ITGA9: variants seen among roughly 807,000 people sequenced by gnomAD.
ITGA9 encodes integrin alpha-9.
ITGA9 carries 56 observed loss-of-function variants against 127.8 expected under a neutral mutation model. The observed-to-expected ratio is 0.44, with a 90% CI of 0.35 to 0.55. The LOEUF (loss-of-function observed/expected upper bound fraction) is 0.55, where lower values mean the gene tolerates loss of function less well. ITGA9 is among the 20% of genes least tolerant of loss of function. The pLI, the probability that ITGA9 is intolerant of heterozygous loss-of-function variation, is 0.00. For synonymous variants in ITGA9, 508 were observed against 514.5 expected (o/e 0.99, Z 0.17); for missense variants, 1,196 against 1,347.1 (o/e 0.89, Z 1.76).
intron 1 of ITGA9, among the ~76,000 whole-genome samples, chr3:37,465,761 C>T (rs1273942419): frequency 1.3e-5 from 2 of 152,110 alleles, no homozygotes; most frequent in Admixed American, 6.5e-5. Context: ...TTTGACATGA[C>T]GGAGCTTTCA....
chr3:37,784,683 A>G (rs2685111), intron 25 of ITGA9, among the ~76,000 whole-genome samples: 18,549 of 152,226 alleles, frequency 0.12, 1,283 homozygotes, highest in Middle Eastern at 0.23. Context: ...GTCAATATCA[A>G]TATCCAAATA....
At chr3:37,672,902 G>T (rs1700650563) in intron 17 of ITGA9, among the ~76,000 whole-genome samples, 2 of 148,252 alleles carry the variant, frequency 1.3e-5, no homozygotes, top group African/African-American at 4.9e-5. Flanking sequence ...ATTTCTTGGT[G>T]ATTTTTTTTT....
At chr3:37,713,578 T>A (rs1376660336) in intron 18 of ITGA9, among the ~76,000 whole-genome samples, 1 of 152,060 alleles carries the variant, frequency 6.6e-6, no homozygotes, top group Non-Finnish European at 1.5e-5. Context: ...ACTGAGCTGG[T>A]TGGAGCTGGG....
At position 37,554,602 on chromosome 3, in the gene ITGA9, A is replaced by G. The variant is rs73824810; in HGVS notation, c.1689+12017A>G. Reference sequence around the variant, plus strand: ...CAGCAGGAACGGGGTTAGGAGACTGAGCGTTACCCAGGGAAGAGGGTGGCT... The same window carrying G: ...CAGCAGGAACGGGGTTAGGAGACTGGGCGTTACCCAGGGAAGAGGGTGGCT... On this transcript the variant is annotated intron_variant, in intron 15 of 27. Transcript: ENST00000264741. Among the ~76,000 whole-genome samples, 371 of 152,150 alleles carry G rather than the reference A, an allele frequency of 2.4e-3. 4 individuals are homozygous for G. Among genetic ancestry groups the G allele is most frequent in the African/African-American group, 8.3e-3 (346 of 41,502 alleles).
chr3:37,474,586 C>T (rs917092618), intron 3 of ITGA9, among the ~76,000 whole-genome samples: 3 of 152,194 alleles, frequency 2.0e-5, no homozygotes, highest in Admixed American at 2.0e-4. Context: ...GCCAGTACTC[C>T]GGAAGAACCC....
chr3:37,531,778 G>T (rs1022063305), intron 13 of ITGA9, among the ~76,000 whole-genome samples: 2 of 152,226 alleles, frequency 1.3e-5, no homozygotes, highest in Admixed American at 1.3e-4. Context: ...TTATGGGAAC[G>T]AGAGGATGAA....
chr3:37,514,432 A>G (rs966472704), intron 9 of ITGA9, among the ~76,000 whole-genome samples: 2 of 152,226 alleles, frequency 1.3e-5, no homozygotes, highest in African/African-American at 4.8e-5. Flanking sequence ...AAGAAGGAGT[A>G]GGAGTTAGCA....
At chr3:37,608,527 A>C (rs560437457) in intron 15 of ITGA9, among the ~76,000 whole-genome samples, 1 of 152,298 alleles carries the variant, frequency 6.6e-6, no homozygotes, top group African/African-American at 2.4e-5. Flanking sequence ...CTTCACTGAA[A>C]CTGTGTGAAT....
intron 16 of ITGA9, among the ~76,000 whole-genome samples, chr3:37,641,737 C>T (rs1024440363): frequency 5.3e-5 from 8 of 152,158 alleles, no homozygotes; most frequent in South Asian, 2.1e-4. Flanking sequence ...GCCTCGCCAG[C>T]GCCACCCGCA....
At chr3:37,784,844 G>A (rs1003530039) in intron 25 of ITGA9, 133 bp from the exon 26 acceptor site, 11 of 716,394 alleles carry the variant, frequency 1.5e-5, no homozygotes, top group Middle Eastern at 2.3e-4. Flanking sequence ...GGATGGAGAG[G>A]TATCTAGTTC....
chr3:37,519,158 T>A (rs978533679), intron 10 of ITGA9, 102 bp from the exon 11 acceptor site: 2 of 803,872 alleles, frequency 2.5e-6, no homozygotes, highest in African/African-American at 3.4e-5. Flanking sequence ...CAACCAATAA[T>A]TTCTGGTATC....
rs141862249 is a variant in ITGA9, at chr3:37,628,274, G to A, written c.1690-913G>A. Among the ~76,000 whole-genome samples, 9 of 152,146 alleles carry A rather than the reference G, an allele frequency of 5.9e-5. No individual in the cohort carries two copies. The East Asian group carries it at 1.4e-3, about 23-fold the overall frequency. Reference sequence around the variant, plus strand: ...CTTGGAGCAGCCCACACGCACCCCCGCCGAGCTCACTGTCTCAGAATGTGG... The same window carrying A: ...CTTGGAGCAGCCCACACGCACCCCCACCGAGCTCACTGTCTCAGAATGTGG... On this transcript the variant is annotated intron_variant, in intron 15 of 27. Transcript: ENST00000264741.
intron 15 of ITGA9, among the ~76,000 whole-genome samples, chr3:37,604,362 T>G (rs1369817103): frequency 6.6e-6 from 1 of 152,234 alleles, no homozygotes; most frequent in Non-Finnish European, 1.5e-5. Flanking sequence ...TACTTTGTGT[T>G]AAACTCAATT....
intron 17 of ITGA9, among the ~76,000 whole-genome samples, chr3:37,674,339 T>G (rs969735617): frequency 6.6e-6 from 1 of 152,214 alleles, no homozygotes; most frequent in African/African-American, 2.4e-5. Flanking sequence ...ACCAACATTC[T>G]GGGACAAAAT....
chr3:37,507,394 G>A (rs1698856416), intron 7 of ITGA9, among the ~76,000 whole-genome samples: 1 of 152,106 alleles, frequency 6.6e-6, no homozygotes, highest in African/African-American at 2.4e-5. Flanking sequence ...GCTAATGATA[G>A]CAGCTTTCTT....
intron 23 of ITGA9, among the ~76,000 whole-genome samples, chr3:37,770,112 T>A (rs1696825372): frequency 1.3e-5 from 2 of 152,234 alleles, no homozygotes; most frequent in Non-Finnish European, 2.9e-5. Context: ...TAAATGTCTC[T>A]GTGCTGCTGT....
At position 37,597,043 on chromosome 3, in the gene ITGA9, C is replaced by CT. The variant is rs1349361487; in HGVS notation, c.1690-32138dup. Among the ~76,000 whole-genome samples the CT allele has an allele frequency of 6.6e-6, 1 of 152,148 alleles. No individual in the cohort carries two copies. The highest frequency in any genetic ancestry group is 1.5e-5 in the Non-Finnish European group (1 of 68,036). ...AGGGGGTGAGAGGAAGTGACTGCAGCTTTTTTATCTCCCACTTCCCACCCT... is the reference window on the plus strand; with the variant it reads ...AGGGGGTGAGAGGAAGTGACTGCAGCTTTTTTTATCTCCCACTTCCCACCCT... On this transcript the variant is annotated intron_variant, in intron 15 of 27. Coordinates refer to ENST00000264741, the MANE Select transcript of ITGA9 (RefSeq NM_002207.3). The surrounding 1 kb of genome is among the most constrained non-coding windows in gnomAD (Gnocchi z 4.6).
At position 37,495,247 on chromosome 3, in the gene ITGA9, C is replaced by T. The variant is rs138180904; in HGVS notation, c.612+679C>T. Reference sequence around the variant, plus strand: ...GGATTACAGGCTGAGCCACCACACCCGGCCTGAGAGACTTGGTTTTACACA... The same window carrying T: ...GGATTACAGGCTGAGCCACCACACCTGGCCTGAGAGACTTGGTTTTACACA... On this transcript the variant is annotated intron_variant, in intron 5 of 27. Coordinates refer to ENST00000264741, the MANE Select transcript of ITGA9 (RefSeq NM_002207.3). Among the ~76,000 whole-genome samples the T allele has an allele frequency of 1.2e-3, 179 of 152,294 alleles. 1 individual carries two copies. Among genetic ancestry groups the T allele is most frequent in the African/African-American group, 4.1e-3 (170 of 41,556 alleles).
intron 3 of ITGA9, among the ~76,000 whole-genome samples, chr3:37,475,488 A>C (rs1488377762): frequency 6.6e-6 from 1 of 152,238 alleles, no homozygotes; most frequent in African/African-American, 2.4e-5. Flanking sequence ...AGTGAACAGC[A>C]ATGAGGACCA....
Sources: gnomAD v4.1 joint callset for allele counts (sites outside exome capture counted in the v4.1 genomes callset) on GRCh38, gnomAD v4.1.1 for gene constraint, Gnocchi (gnomAD v3.1) non-coding constraint, MANE v1.5 for transcripts, NCBI Gene and HGNC (gene_info 2026-07-23, HGNC 2026-07-21) for gene names.